The following ATP8B4 variants were observed in gnomAD, a reference collection of about 807,000 sequenced individuals.
The protein encoded by ATP8B4 is ATPase phospholipid transporting 8B4 (putative).
ATP8B4 carries 133 observed loss-of-function variants against 145.6 expected under a neutral mutation model. The observed-to-expected ratio is 0.91, with a 90% CI of 0.79 to 1.05. The LOEUF (loss-of-function observed/expected upper bound fraction) is 1.05. Among genes scored for constraint, ATP8B4 ranks in the 50% least tolerant of loss-of-function variants. The pLI is 0.00. For missense variants in ATP8B4, 1,458 were observed against 1,425.2 expected (o/e 1.02, Z -0.37); for synonymous variants, 507 against 492.9 (o/e 1.03, Z -0.38).
intron 6 of ATP8B4, among the ~76,000 whole-genome samples, chr15:50,037,861 A>T (rs1316684608): frequency 1.3e-5 from 2 of 152,218 alleles, no homozygotes. Flanking sequence ...TGTTATTAGA[A>T]ATCAATCAAT....
chr15:49,972,660 T>G lies in ATP8B4; in HGVS notation c.1165A>C (p.Ile389Leu), dbSNP rs759159982. Residue 389 changes from isoleucine to leucine, a missense_variant, in exon 13 of 28, where the codon ATT becomes CTT. Coordinates refer to ENST00000284509, the MANE Select transcript of ATP8B4 (RefSeq NM_024837.4). ...AGGGTACCCGTTTTGTCGGAGAAAA[T>G]GTACTCAATCTGCCCCAGTTCCTCA... ...LNEELGQIEY[I>L]FSDKTGTLTQ... The G allele has an allele frequency of 2.5e-6, 4 of 1,613,978 alleles. No homozygotes were observed. Among genetic ancestry groups the G allele is most frequent in the Non-Finnish European group, 3.4e-6 (4 of 1,179,966 alleles).
chr15:49,892,006 C>A (rs2036870533), intron 23 of ATP8B4, among the ~76,000 whole-genome samples: 1 of 151,538 alleles, frequency 6.6e-6, no homozygotes, highest in Non-Finnish European at 1.5e-5. Flanking sequence ...GTCCCAGGTA[C>A]TTGGGAGGCT....
At chr15:49,910,452 C>T (rs886751877) in intron 20 of ATP8B4, among the ~76,000 whole-genome samples, 1 of 152,106 alleles carries the variant, frequency 6.6e-6, no homozygotes, top group Non-Finnish European at 1.5e-5. Context: ...TAAAATCTTC[C>T]CAACTCTAGC....
upstream of ATP8B4, among the ~76,000 whole-genome samples, chr15:50,120,575 TGAGTA>T (rs999758654): frequency 2.0e-5 from 3 of 152,180 alleles, no homozygotes; most frequent in African/African-American, 7.2e-5. Flanking sequence ...TAAAGGAAAC[TGAGTA>T]TAGTAGTGCC....
chr15:49,924,119 C>T (rs767790327), intron 16 of ATP8B4, among the ~76,000 whole-genome samples: 15 of 152,044 alleles, frequency 9.9e-5, no homozygotes, highest in South Asian at 2.1e-4. Context: ...AAGTCTATAT[C>T]GGTAGTACTG....
At chr15:50,133,389 T>C (rs2044075251) in intron 1 of ATP8B4, among the ~76,000 whole-genome samples, 1 of 151,200 alleles carries the variant, frequency 6.6e-6, no homozygotes, top group Non-Finnish European at 1.5e-5. Context: ...GACCAGCCTG[T>C]GCAATATGGG....
chr15:50,070,563 T>G (rs1446690635), intron 3 of ATP8B4, among the ~76,000 whole-genome samples: 1 of 152,164 alleles, frequency 6.6e-6, no homozygotes, highest in Non-Finnish European at 1.5e-5. Context: ...GGTCCCATGC[T>G]CCTAAGAGCA....
rs16962975 is a variant in ATP8B4 at position 49,859,814 on chromosome 15, A to G, written c.*380T>C. 1.4e-3 allele frequency: 265 copies of G among 189,442 alleles called. 4 individuals carry two copies. Among genetic ancestry groups the G allele is most frequent in the African/African-American group, 6.0e-3 (255 of 42,362 alleles). The allele number at this position is 189,442 out of a possible 1,614,324, so 11.7% of individuals were successfully genotyped here. A position where few individuals can be genotyped will look rare whatever the true frequency, so the allele number is the denominator to read the frequency against. ...TAGGCATGCTTTTCAGCTTGGATAT[A>G]TACCTTTAAAATGCACCCTTTTATC... On this transcript the variant is annotated 3_prime_UTR_variant, in exon 28 of 28. Coordinates refer to ENST00000284509, the MANE Select transcript of ATP8B4 (RefSeq NM_024837.4).
At chr15:50,104,096 G>T (rs533184975) in intron 2 of ATP8B4, among the ~76,000 whole-genome samples, 2 of 152,162 alleles carry the variant, frequency 1.3e-5, no homozygotes, top group South Asian at 4.1e-4. Flanking sequence ...ATGAATCAAA[G>T]ACTTAAATCT....
intron 2 of ATP8B4, among the ~76,000 whole-genome samples, chr15:50,089,067 C>T (rs1600306773): frequency 6.6e-6 from 1 of 152,152 alleles, no homozygotes; most frequent in Non-Finnish European, 1.5e-5. Context: ...GGAGAACTGG[C>T]TAGCCATATG....
At chr15:50,126,842 C>T (rs74012900) in intron 1 of ATP8B4, among the ~76,000 whole-genome samples, 8,546 of 151,958 alleles carry the variant, frequency 0.056, 274 homozygotes, top group African/African-American at 0.086. Context: ...AGCTGTTTTG[C>T]AGAAACCTGC....
chr15:50,095,786 T>A (rs539291118), intron 2 of ATP8B4, among the ~76,000 whole-genome samples: 1 of 151,702 alleles, frequency 6.6e-6, no homozygotes, highest in South Asian at 2.1e-4. Context: ...GAATTAGACA[T>A]CTCCCAAATT....
At chr15:49,971,906 T>C (rs2045176672) in intron 13 of ATP8B4, among the ~76,000 whole-genome samples, 2 of 151,946 alleles carry the variant, frequency 1.3e-5, no homozygotes, top group African/African-American at 4.8e-5. Context: ...ATAAAGAAAA[T>C]ATGGCACATA....
chr15:50,018,968 C>G, intron 6 of ATP8B4: 1 of 1,227,322 alleles, frequency 8.1e-7, no homozygotes, highest in African/African-American at 1.6e-5. Flanking sequence ...AGCTTTGTAC[C>G]TTCAGCACCT....
intron 14 of ATP8B4, among the ~76,000 whole-genome samples, chr15:49,952,090 G>A (rs1165792422): frequency 1.3e-5 from 2 of 152,134 alleles, no homozygotes; most frequent in African/African-American, 4.8e-5. Context: ...TTCCCTCTGT[G>A]GGCAACATGG....
chr15:50,158,590 C>T (rs537408240), intron 1 of ATP8B4, among the ~76,000 whole-genome samples: 2 of 152,350 alleles, frequency 1.3e-5, no homozygotes, highest in South Asian at 4.1e-4. Context: ...GGCCACCACC[C>T]CGTCTGGGAG....
At chr15:49,989,744 C>G (rs1377064752) in intron 9 of ATP8B4, among the ~76,000 whole-genome samples, 1 of 152,078 alleles carries the variant, frequency 6.6e-6, no homozygotes, top group South Asian at 2.1e-4. Flanking sequence ...ATGGTGGGAA[C>G]AAAGCCAAAC....
chr15:49,915,097 G>T (rs1566979301), intron 20 of ATP8B4, among the ~76,000 whole-genome samples: 1 of 151,992 alleles, frequency 6.6e-6, no homozygotes, highest in Admixed American at 6.6e-5. Flanking sequence ...AGAAAATGTG[G>T]TGTATACACA....
At chr15:50,091,976 C>T (rs897203693) in intron 2 of ATP8B4, among the ~76,000 whole-genome samples, 2 of 152,014 alleles carry the variant, frequency 1.3e-5, no homozygotes, top group African/African-American at 4.8e-5. Context: ...TAGCCAAGAT[C>T]CGGAAGAAAA....
Sources: allele counts gnomAD v4.1 joint callset (sites outside exome capture counted in the v4.1 genomes callset), GRCh38; gene constraint gnomAD v4.1.1; transcripts MANE v1.5; gene names NCBI Gene and HGNC (gene_info 2026-07-23, HGNC 2026-07-21).